Variants in CNTLN observed in about 807,000 individuals in gnomAD.
CNTLN encodes centlein, also known as centlein, centrosomal protein.
CNTLN carries 212 observed loss-of-function variants against 180.0 expected under a neutral mutation model. That is an observed-to-expected ratio of 1.18 (90% CI 1.05 to 1.32). The LOEUF (loss-of-function observed/expected upper bound fraction) is 1.32. Ranked by LOEUF, CNTLN falls within the 40% of genes most tolerant of loss-of-function variation. The probability of loss-of-function intolerance (pLI) is 0.00; values close to 1 mark genes in which losing one functional copy is unlikely to be tolerated. For missense variants in CNTLN, 2,095 were observed against 1,610.9 expected, an observed-to-expected ratio of 1.30 and a Z score of -5.14; for synonymous variants, 722 against 563.1, an observed-to-expected ratio of 1.28 and a Z score of -3.99.
Position 17,135,209 on chromosome 9 carries a change from G to T in CNTLN, c.144G>T (p.Val48=). The change falls in exon 1 of 26, where the codon GTG becomes GTT. Residue 48 remains valine, a synonymous_variant. Coordinates refer to ENST00000380647, the MANE Select transcript of CNTLN (RefSeq NM_017738.4). ...GTTTTGCCGGCGCAGCGCGGGAGGT[G>T]GTCGCGGACGAAAGTGATAAAATCT... ...ASGFAGAARE[V]VADESDKIWV... is the part of the protein sequence containing the mutation. 6.2e-7 allele frequency: 1 copy of T among 1,610,612 alleles called. No individual in the cohort carries two copies.
chr9:17,237,597 A>C (rs1825236540), intron 5 of CNTLN, among the ~76,000 whole-genome samples: 1 of 152,176 alleles, frequency 6.6e-6, no homozygotes, highest in Non-Finnish European at 1.5e-5. Flanking sequence ...GACATGATTT[A>C]AAGTATATGG....
intron 6 of CNTLN, among the ~76,000 whole-genome samples, chr9:17,288,401 A>T (rs904929161): frequency 3.6e-5 from 5 of 139,474 alleles, no homozygotes; most frequent in African/African-American, 1.4e-4. Context: ...GTTCTTTTAC[A>T]TTTGCTGAGG....
At chr9:17,226,734 G>C (rs753429839) in intron 3 of CNTLN, among the ~76,000 whole-genome samples, 11 of 151,714 alleles carry the variant, frequency 7.3e-5, no homozygotes, top group Non-Finnish European at 1.5e-4. Flanking sequence ...TTGAAACTGG[G>C]TAATTAATAA....
intron 5 of CNTLN, among the ~76,000 whole-genome samples, chr9:17,250,821 T>C (rs1826093887): frequency 6.6e-6 from 1 of 152,096 alleles, no homozygotes; most frequent in Admixed American, 6.6e-5. Context: ...CTTTTATATT[T>C]GCTCACCTAT....
chr9:17,441,784 G>A (rs1233365084), intron 18 of CNTLN, among the ~76,000 whole-genome samples: 1 of 152,056 alleles, frequency 6.6e-6, no homozygotes, highest in Non-Finnish European at 1.5e-5. Context: ...ACAGAATTCA[G>A]CTATATCCTG....
chr9:17,368,656 A>G (rs976660121), intron 13 of CNTLN, among the ~76,000 whole-genome samples: 9 of 152,188 alleles, frequency 5.9e-5, no homozygotes, highest in Admixed American at 4.6e-4. Flanking sequence ...GCAAAGAGAG[A>G]GAGACTCTGT....
intron 14 of CNTLN, among the ~76,000 whole-genome samples, chr9:17,389,391 T>A (rs1332095310): frequency 6.6e-6 from 1 of 152,154 alleles, no homozygotes; most frequent in Non-Finnish European, 1.5e-5. Context: ...TTTGTATAAT[T>A]TTTGTATCTA....
chr9:17,294,284 C>T (rs1199018001), intron 6 of CNTLN, among the ~76,000 whole-genome samples: 1 of 152,050 alleles, frequency 6.6e-6, no homozygotes, highest in Non-Finnish European at 1.5e-5. Flanking sequence ...CTTTTATTGT[C>T]TTATCTGGCC....
At chr9:17,483,442 C>T (rs911040702) in intron 23 of CNTLN, among the ~76,000 whole-genome samples, 9 of 152,112 alleles carry the variant, frequency 5.9e-5, no homozygotes, top group Admixed American at 1.3e-4. Flanking sequence ...CCCTTTGATC[C>T]AGCAGTTTCA....
At position 17,332,591 on chromosome 9, in the gene CNTLN, G is replaced by A. The variant is rs752187657; in HGVS notation, c.1519-14G>A. 1 of 1,594,494 alleles carries A rather than the reference G, an allele frequency of 6.3e-7. No individual in the cohort carries two copies. Among genetic ancestry groups the A allele is most frequent in the East Asian group, 2.3e-5 (1 of 43,858 alleles). On this transcript the variant is annotated splice_polypyrimidine_tract_variant and intron_variant, in intron 9 of 25. Transcript: ENST00000380647. Reference sequence around the variant, plus strand: ...TTCCAACTAGTTCAACCATGTCCTTGTTTTATTCTCGAGGAACCACCTGTG... The same window carrying A: ...TTCCAACTAGTTCAACCATGTCCTTATTTTATTCTCGAGGAACCACCTGTG...
intron 12 of CNTLN, among the ~76,000 whole-genome samples, chr9:17,348,679 C>A (rs922648589): frequency 1.3e-5 from 2 of 151,952 alleles, no homozygotes; most frequent in African/African-American, 4.8e-5. Context: ...TATAGGCATG[C>A]GTCACCACGC....
intron 2 of CNTLN, among the ~76,000 whole-genome samples, chr9:17,180,110 T>C (rs554982016): frequency 5.9e-5 from 9 of 151,782 alleles, no homozygotes; most frequent in African/African-American, 2.2e-4. Flanking sequence ...TATTTTAAAA[T>C]CTACTCTGTT....
intron 2 of CNTLN, among the ~76,000 whole-genome samples, chr9:17,150,390 C>T (rs993477497): frequency 3.3e-5 from 5 of 152,294 alleles, no homozygotes; most frequent in African/African-American, 1.2e-4. Context: ...TTTCCCAACA[C>T]CATTTATTAA....
intron 2 of CNTLN, among the ~76,000 whole-genome samples, chr9:17,151,709 TG>T (rs1232692641): frequency 6.6e-6 from 1 of 152,198 alleles, no homozygotes; most frequent in Non-Finnish European, 1.5e-5. Context: ...CTTTTTCTGT[TG>T]TTTGGAATAG....
At chr9:17,370,767 A>T (rs1332729365) in intron 13 of CNTLN, among the ~76,000 whole-genome samples, 3 of 151,250 alleles carry the variant, frequency 2.0e-5, no homozygotes, top group Non-Finnish European at 1.5e-5. Context: ...GTATAATAAG[A>T]TATAAACAAC....
intron 18 of CNTLN, among the ~76,000 whole-genome samples, chr9:17,439,051 A>G (rs1224785598): frequency 6.6e-6 from 1 of 152,178 alleles, no homozygotes; most frequent in Non-Finnish European, 1.5e-5. Flanking sequence ...GAGGAATGGG[A>G]ACAGAAAGAG....
intron 2 of CNTLN, among the ~76,000 whole-genome samples, chr9:17,150,365 A>G (rs548900390): frequency 1.4e-4 from 21 of 152,340 alleles, no homozygotes; most frequent in Non-Finnish European, 2.9e-4. Context: ...AGTTGTCTGC[A>G]TATGGCTAGC....
intron 23 of CNTLN, among the ~76,000 whole-genome samples, chr9:17,482,626 A>C (rs894128587): frequency 1.3e-5 from 2 of 152,196 alleles, no homozygotes; most frequent in African/African-American, 4.8e-5. Context: ...GGAAAACCAA[A>C]CAAGCAAGAA....
intron 18 of CNTLN, among the ~76,000 whole-genome samples, chr9:17,422,403 C>G (rs1828784596): frequency 6.6e-6 from 1 of 152,126 alleles, no homozygotes; most frequent in Non-Finnish European, 1.5e-5. Context: ...CTATCACCCT[C>G]TGATACGTGA....
Sources: allele counts gnomAD v4.1 joint callset (sites outside exome capture counted in the v4.1 genomes callset), GRCh38; gene constraint gnomAD v4.1.1; transcripts MANE v1.5; gene names NCBI Gene and HGNC (gene_info 2026-07-23, HGNC 2026-07-21).